Variants in NSUN6 observed in about 807,000 individuals in gnomAD.
NSUN6 encodes tRNA (cytosine(72)-C(5))-methyltransferase NSUN6.
NSUN6 carries 64 observed loss-of-function variants against 58.0 expected under a neutral mutation model. That is an observed-to-expected ratio of 1.10 (90% CI 0.90 to 1.36). The LOEUF (loss-of-function observed/expected upper bound fraction) is 1.36. NSUN6 is among the 40% of genes most tolerant of loss of function. The pLI is 0.00. For synonymous variants in NSUN6, 231 were observed against 193.9 expected (o/e 1.19, Z -1.59); for missense variants, 701 against 550.1 (o/e 1.27, Z -2.74).
intron 8 of NSUN6, among the ~76,000 whole-genome samples, chr10:18,581,386 G>T (rs1215958100): frequency 6.6e-6 from 1 of 152,150 alleles, no homozygotes; most frequent in Admixed American, 6.5e-5. Flanking sequence ...AGTGACCTCT[G>T]GTGGTCCTCA....
At chr10:18,599,785 A>C (rs1348640911) in intron 6 of NSUN6, among the ~76,000 whole-genome samples, 1 of 152,222 alleles carries the variant, frequency 6.6e-6, no homozygotes. Flanking sequence ...GCAATTAAAA[A>C]ATTCAGTTTC....
intron 8 of NSUN6, among the ~76,000 whole-genome samples, chr10:18,554,010 T>C (rs1403448088): frequency 6.7e-6 from 1 of 149,904 alleles, no homozygotes; most frequent in Non-Finnish European, 1.5e-5. Context: ...TGTAATTGAT[T>C]ACAGAATGGA....
intron 2 of NSUN6, among the ~76,000 whole-genome samples, chr10:18,646,028 GT>G (rs1564846889): frequency 6.6e-6 from 1 of 151,844 alleles, no homozygotes; most frequent in Non-Finnish European, 1.5e-5. Flanking sequence ...AATCCCATCT[GT>G]GCTAAGAATA....
intron 8 of NSUN6, among the ~76,000 whole-genome samples, chr10:18,573,059 C>G (rs1241675088): frequency 2.7e-5 from 4 of 150,926 alleles, no homozygotes; most frequent in African/African-American, 4.9e-5. Flanking sequence ...ATTCTCTTCT[C>G]CATTCCATTC....
intron 6 of NSUN6, among the ~76,000 whole-genome samples, chr10:18,597,993 A>T (rs373264529): frequency 6.6e-6 from 1 of 152,214 alleles, no homozygotes; most frequent in Admixed American, 6.5e-5. Flanking sequence ...AAGCTAAGCC[A>T]TAATATCCCC....
At position 18,620,615 on chromosome 10, in the gene NSUN6, C is replaced by A. The variant is rs117213471; in HGVS notation, c.312-4322G>T. On this transcript the variant is annotated intron_variant, in intron 3 of 10. Coordinates refer to ENST00000377304, the MANE Select transcript of NSUN6 (RefSeq NM_182543.5). ...CTCTGCCTAGCATAACCTTGCCCAC[C>A]TTAACAGCCCTTCGGCCTAATTTCT... 9.8e-5 allele frequency among the ~76,000 whole-genome samples: 15 copies of A among 152,312 alleles called. No individual in the cohort carries two copies. In the East Asian group the frequency reaches 2.9e-3, roughly 29 times the overall value.
Position 18,546,133 on chromosome 10 carries a change from C to T in NSUN6, c.1210G>A (p.Gly404Arg), listed in dbSNP as rs1272946340. 6.2e-7 allele frequency: 1 copy of T among 1,611,970 alleles called. No homozygotes were observed. Reference sequence around the variant, plus strand: ...CCAGCTCCCCTCATTCCTTCTCCTCCAATCTGCGGTTCCTGTTTGGAGAAA... The same window carrying T: ...CCAGCTCCCCTCATTCCTTCTCCTCTAATCTGCGGTTCCTGTTTGGAGAAA... ...LQLQPQEPQI[G>R]GEGMRGAGLS... The change falls in exon 11 of 11, where the codon GGA becomes AGA. Residue 404 changes from glycine (G) to arginine (R), a missense_variant. Physicochemically the swap from Gly to Arg is moderately radical, Grantham distance 125. Transcript: ENST00000377304.
intron 2 of NSUN6, among the ~76,000 whole-genome samples, chr10:18,644,844 A>G (rs1183134338): frequency 6.7e-6 from 1 of 149,638 alleles, no homozygotes; most frequent in Non-Finnish European, 1.5e-5. Context: ...CGTCTCAAAA[A>G]AAAAACAAAA....
intron 8 of NSUN6, among the ~76,000 whole-genome samples, chr10:18,568,221 A>G (rs2056106114): frequency 1.3e-5 from 2 of 149,352 alleles, no homozygotes; most frequent in South Asian, 4.2e-4. Context: ...ATTCCCGTCC[A>G]TTATCCATTT....
chr10:18,603,583 G>A (rs1320733429), intron 6 of NSUN6, among the ~76,000 whole-genome samples: 1 of 151,152 alleles, frequency 6.6e-6, no homozygotes, highest in African/African-American at 2.4e-5. Context: ...TGATTCTCCT[G>A]CCTCAGCCTC....
At chr10:18,625,569 C>T (rs377553319) in intron 3 of NSUN6, among the ~76,000 whole-genome samples, 2 of 151,554 alleles carry the variant, frequency 1.3e-5, no homozygotes, top group African/African-American at 4.8e-5. Context: ...AAAAGTCAGC[C>T]GGGTATGGTG....
intron 6 of NSUN6, among the ~76,000 whole-genome samples, chr10:18,608,271 G>A (rs1366895710): frequency 6.6e-6 from 1 of 152,100 alleles, no homozygotes; most frequent in Non-Finnish European, 1.5e-5. Context: ...GTGAAGGAGT[G>A]CAGCTATAGA....
At chr10:18,603,155 T>C (rs1330510504) in intron 6 of NSUN6, among the ~76,000 whole-genome samples, 3 of 152,092 alleles carry the variant, frequency 2.0e-5, no homozygotes, top group African/African-American at 7.2e-5. Flanking sequence ...TAGCCAGATG[T>C]GGTTGACTCA....
At chr10:18,655,134 C>T (rs148757766), upstream of NSUN6, 144 of 983,086 alleles carry the variant, frequency 1.5e-4, 3 homozygotes, top group East Asian at 0.012. Context: ...TGTTGCCAGA[C>T]TTAAATCCCT....
chr10:18,642,633 A>G (rs1056539141), intron 2 of NSUN6, 78 bp from the exon 3 acceptor site: 2 of 730,008 alleles, frequency 2.7e-6, no homozygotes, highest in Non-Finnish European at 4.9e-6. Context: ...CAGTATCATC[A>G]TCTACCACAG....
chr10:18,587,196 A>T (rs945207853), intron 7 of NSUN6, among the ~76,000 whole-genome samples: 1 of 152,188 alleles, frequency 6.6e-6, no homozygotes, highest in Non-Finnish European at 1.5e-5. Context: ...AAAAATCACC[A>T]ATTTGATGTG....
intron 3 of NSUN6, among the ~76,000 whole-genome samples, chr10:18,617,788 T>C (rs1208292940): frequency 6.6e-6 from 1 of 152,138 alleles, no homozygotes; most frequent in Non-Finnish European, 1.5e-5. Context: ...TTGGGAGCTG[T>C]TCAGGTCATG....
At chr10:18,644,839 CAAAAAAAAAACAA>C (rs1474872749) in intron 2 of NSUN6, among the ~76,000 whole-genome samples, 2 of 97,556 alleles carry the variant, frequency 2.1e-5, no homozygotes, top group East Asian at 2.9e-4. Context: ...GACTCCGTCT[CAAAAAAAAAACAA>C]AAAAAAAAAA....
At chr10:18,546,688 G>C (rs536456702) in intron 10 of NSUN6, among the ~76,000 whole-genome samples, 1 of 152,054 alleles carries the variant, frequency 6.6e-6, no homozygotes, top group South Asian at 2.1e-4. Flanking sequence ...GACCAGCCTG[G>C]CCAACAAGGT....
Sources: gnomAD v4.1 joint callset for allele counts (sites outside exome capture counted in the v4.1 genomes callset) on GRCh38, gnomAD v4.1.1 for gene constraint, MANE v1.5 for transcripts, NCBI Gene and HGNC (gene_info 2026-07-23, HGNC 2026-07-21) for gene names.